CFAP300: variants seen among roughly 807,000 people sequenced by gnomAD.
The protein encoded by CFAP300 is cilia and flagella associated protein 300, also known as cilia- and flagella-associated protein 300.
CFAP300 carries 32 observed loss-of-function variants against 33.0 expected under a neutral mutation model. That is an observed-to-expected ratio of 0.97 (90% CI 0.73 to 1.30). The LOEUF is 1.30. Among genes scored for constraint, CFAP300 ranks in the 50% most tolerant of loss-of-function variants. The probability of loss-of-function intolerance (pLI) is 0.00; values close to 1 mark genes in which losing one functional copy is unlikely to be tolerated. For synonymous variants in CFAP300, 102 were observed against 106.8 expected, an observed-to-expected ratio of 0.95 and a Z score of 0.28; for missense variants, 356 against 318.1, an observed-to-expected ratio of 1.12 and a Z score of -0.90.
chr11:102,066,793 A>G (rs1942234375), intron 4 of CFAP300, 142 bp downstream of exon 4: 1 of 654,086 alleles, frequency 1.5e-6, no homozygotes. Flanking sequence ...AATAATCCTA[A>G]CATTGGTAGA....
rs1322578774 is a variant in CFAP300 at position 102,073,296 on chromosome 11, G to A, written c.436-2577G>A. Among the ~76,000 whole-genome samples, 5 of 152,292 alleles carry A rather than the reference G, an allele frequency of 3.3e-5. 1 individual carries two copies. In the East Asian group the frequency reaches 9.7e-4, roughly 29 times the overall value. ...ATGTGCTAGGCAGGCCAATCCCCAG[G>A]CCCCCAGGGAGCAAGTATGGGTGGG... On this transcript the variant is annotated intron_variant, in intron 4 of 6. Transcript: ENST00000434758.
At chr11:102,055,797 C>T (rs964458212) in intron 2 of CFAP300, among the ~76,000 whole-genome samples, 5 of 151,670 alleles carry the variant, frequency 3.3e-5, no homozygotes, top group Admixed American at 6.6e-5. Context: ...CTCAGCCTCC[C>T]GAGTAGCTGG....
At chr11:102,077,159 A>G (rs1942407336) in intron 5 of CFAP300, among the ~76,000 whole-genome samples, 2 of 152,050 alleles carry the variant, frequency 1.3e-5, no homozygotes, top group Non-Finnish European at 2.9e-5. Flanking sequence ...GTTGTACCCC[A>G]TCCGCCACAT....
chr11:102,076,781 C>T (rs1942401088), intron 5 of CFAP300, among the ~76,000 whole-genome samples: 1 of 152,224 alleles, frequency 6.6e-6, no homozygotes, highest in Non-Finnish European at 1.5e-5. Context: ...CCTTAATTCT[C>T]ATATCCATTC....
In CFAP300 at chr11:102,061,869, A is replaced by T. The variant is rs1400215971; in HGVS notation, c.268+2914A>T. On this transcript the variant is annotated intron_variant, in intron 3 of 6. Transcript: ENST00000434758. ...TAGGGAAAAACTGTGTTCTTTCTGT[A>T]TGTGATCATAGTGATGCATTACATG... Among the ~76,000 whole-genome samples the T allele has an allele frequency of 3.9e-5, 6 of 152,184 alleles. No individual in the cohort carries two copies. In the East Asian group the frequency reaches 1.2e-3, roughly 29 times the overall value.
intron 2 of CFAP300, among the ~76,000 whole-genome samples, chr11:102,053,551 AAAACAAACAAACAAACAAAC>A (rs140040339): frequency 6.7e-6 from 1 of 149,888 alleles, no homozygotes; most frequent in African/African-American, 2.5e-5. Flanking sequence ...AACTCCATCA[AAAACAAACAAACAAACAAAC>A]AAACAAACAA....
rs768224428 is a variant in CFAP300 at position 102,047,815 on chromosome 11, G to A, written c.111G>A (p.Trp37Ter). 1 of 1,614,094 alleles carries A rather than the reference G, an allele frequency of 6.2e-7. No homozygotes were observed. The highest frequency in any genetic ancestry group is 8.5e-7 in the Non-Finnish European group (1 of 1,179,996). Residue 37 changes from tryptophan (W) to a stop codon, truncating the protein, a stop_gained and splice_region_variant, in exon 2 of 7, where the codon TGG becomes TGA. Transcript: ENST00000434758. LOFTEE classifies it high-confidence loss of function. ...SKEITSRLRQ[W>*]SMLGRIKAQA... ...ATTTCTTTTTCCTCCTCTGCCCCAG[G>A]TCCATGCTGGGCAGAATCAAGGCGC...
rs143293029 is a variant in CFAP300 at position 102,066,525 on chromosome 11, C to T, written c.309C>T (p.Cys103=). ...AAATTGAAGCTATAAATGTTCCTTGCACACAGCTTTCAATGTCATTTTTTC... is the reference window on the plus strand; with the variant it reads ...AAATTGAAGCTATAAATGTTCCTTGTACACAGCTTTCAATGTCATTTTTTC... ...VKKIEAINVP[C]TQLSMSFFHR... The change falls in exon 4 of 7, where the codon TGC becomes TGT. Residue 103 remains cysteine (C), a synonymous_variant. Transcript: ENST00000434758. 182 of 1,610,612 alleles carry T rather than the reference C, an allele frequency of 1.1e-4. No homozygotes were observed. The African/African-American group carries it at 2.3e-3, about 21-fold the overall frequency.
In CFAP300 at chr11:102,070,393, T is replaced by C. The variant is rs548932213; in HGVS notation, c.435+3742T>C. ...GACTGTGAATGAGCTTAATCAATTT[T>C]CATAATTAAGTGCACTTGCTACTAG... On this transcript the variant is annotated intron_variant, in intron 4 of 6. Transcript: ENST00000434758. 3.3e-5 allele frequency among the ~76,000 whole-genome samples: 5 copies of C among 152,358 alleles called. No homozygotes were observed. In the South Asian group the frequency reaches 1.0e-3, roughly 32 times the overall value.
In CFAP300 at chr11:102,076,000, G is replaced by T; in HGVS notation, c.563G>T (p.Ser188Ile). The change falls in exon 5 of 7, where the codon AGC becomes ATC. Residue 188 changes from serine (S) to isoleucine (I), a missense_variant. Physicochemically the swap from Ser to Ile is moderately radical, Grantham distance 142. Transcript: ENST00000434758. Reference protein sequence around the residue: ...GALCQYEDVISPYLETTKLIY... With the variant: ...GALCQYEDVIIPYLETTKLIY... ...CTTTGTCAATATGAGGATGTGATTA[G>T]CCCATATCTGGAAACAACAAAGCTT... is the stretch of plus-strand genomic sequence containing the variant. 1.2e-6 allele frequency: 2 copies of T among 1,613,448 alleles called. No homozygotes were observed. The highest frequency in any genetic ancestry group is 1.7e-6 in the Non-Finnish European group (2 of 1,179,796).
At chr11:102,077,912 A>G (rs906469775) in intron 5 of CFAP300, among the ~76,000 whole-genome samples, 3 of 151,474 alleles carry the variant, frequency 2.0e-5, no homozygotes, top group Admixed American at 1.3e-4. Context: ...TTTTTTTGAG[A>G]CAGGGTCTCA....
At chr11:102,074,392 A>G (rs1451579948) in intron 4 of CFAP300, among the ~76,000 whole-genome samples, 1 of 151,804 alleles carries the variant, frequency 6.6e-6, no homozygotes, top group Non-Finnish European at 1.5e-5. Context: ...TTCACTTACC[A>G]TTTTCCTGCA....
intron 3 of CFAP300, among the ~76,000 whole-genome samples, chr11:102,063,389 G>T (rs944341006): frequency 6.6e-6 from 1 of 152,122 alleles, no homozygotes; most frequent in Non-Finnish European, 1.5e-5. Context: ...ATGTATTTTG[G>T]AAACACATAC....
chr11:102,076,107 C>T (rs192420752), intron 5 of CFAP300, 62 bp downstream of exon 5: 2 of 1,519,826 alleles, frequency 1.3e-6, no homozygotes, highest in East Asian at 4.6e-5. Context: ...TTTGCTTAAC[C>T]TTGATGGAAT....
chr11:102,065,819 A>G (rs1942215578), intron 3 of CFAP300, among the ~76,000 whole-genome samples: 1 of 152,160 alleles, frequency 6.6e-6, no homozygotes, highest in Non-Finnish European at 1.5e-5. Context: ...GGAATAAAAA[A>G]TCATACGAAG....
At chr11:102,077,745 C>A (rs989528388) in intron 5 of CFAP300, among the ~76,000 whole-genome samples, 1 of 151,316 alleles carries the variant, frequency 6.6e-6, no homozygotes, top group African/African-American at 2.5e-5. Flanking sequence ...TGGCTAATTT[C>A]TTTATTTTTC....
chr11:102,068,083 G>T (rs1195710954), intron 4 of CFAP300, among the ~76,000 whole-genome samples: 1 of 152,190 alleles, frequency 6.6e-6, no homozygotes, highest in African/African-American at 2.4e-5. Flanking sequence ...CATCTATAAA[G>T]TAGGCATAAT....
intron 6 of CFAP300, among the ~76,000 whole-genome samples, chr11:102,082,331 G>A (rs1942485875): frequency 6.6e-6 from 1 of 151,192 alleles, no homozygotes; most frequent in Admixed American, 6.6e-5. Flanking sequence ...AGCTGTGGTG[G>A]TACCAATACT....
chr11:102,083,646 C>T lies in CFAP300; in HGVS notation c.*447C>T, dbSNP rs542789228. 2.6e-5 allele frequency: 4 copies of T among 152,304 alleles called. No individual in the cohort carries two copies. The South Asian group carries it at 8.3e-4, about 32-fold the overall frequency. 9.4% of individuals were successfully genotyped at this position (152,304 alleles called of 1,614,324 possible). A position where few individuals can be genotyped will look rare whatever the true frequency, so the allele number is the denominator to read the frequency against. On this transcript the variant is annotated 3_prime_UTR_variant, in exon 7 of 7. Coordinates refer to ENST00000434758, the MANE Select transcript of CFAP300 (RefSeq NM_032930.3). ...TAATTACATTTCTTCATTGCACAAGCGTTTACATCTGTAAAGCTAGGCAAA... is the reference window on the plus strand; with the variant it reads ...TAATTACATTTCTTCATTGCACAAGTGTTTACATCTGTAAAGCTAGGCAAA...
Sources: gnomAD v4.1 joint callset for allele counts (sites outside exome capture counted in the v4.1 genomes callset) on GRCh38, gnomAD v4.1.1 for gene constraint, MANE v1.5 for transcripts, NCBI Gene and HGNC (gene_info 2026-07-23, HGNC 2026-07-21) for gene names.